Variants in CELF2 observed in about 807,000 individuals in gnomAD.
CELF2 encodes the protein CUGBP Elav-like family member 2.
A neutral mutation model predicts 62.6 loss-of-function variants in CELF2; 8 were observed. The ratio of observed to expected loss-of-function variants is 0.13; its 90% CI spans 0.07 to 0.23. The LOEUF (loss-of-function observed/expected upper bound fraction) is 0.23. Among genes scored for constraint, CELF2 ranks in the 10% least tolerant of loss-of-function variants. The pLI is 1.00. For synonymous variants in CELF2, 258 were observed against 250.0 expected, an observed-to-expected ratio of 1.03 and a Z score of -0.30; for missense variants, 333 against 671.0, an observed-to-expected ratio of 0.50 and a Z score of 5.56.
chr10:10,678,580 C>T, the CELF2 span, among the ~76,000 whole-genome samples: 4 of 152,148 alleles, frequency 2.6e-5, no homozygotes, highest in Admixed American at 1.3e-4. Context: ...CGACCCAAGG[C>T]CCCACAGTGT....
the CELF2 span, among the ~76,000 whole-genome samples, chr10:10,759,294 T>A: frequency 9.2e-6 from 1 of 109,246 alleles, no homozygotes; most frequent in Non-Finnish European, 1.9e-5. Context: ...GTGCCCATTT[T>A]TCTTTTTTTT....
chr10:10,912,190 A>T (rs2063870976), intron 1 of CELF2, among the ~76,000 whole-genome samples: 1 of 152,198 alleles, frequency 6.6e-6, no homozygotes. Context: ...ACATATTCAC[A>T]GAGTCACCGC....
At chr10:11,313,709 G>A (rs7087063) in intron 9 of CELF2, among the ~76,000 whole-genome samples, 61,446 of 151,478 alleles carry the variant, frequency 0.41, 12,735 homozygotes, top group Admixed American at 0.45. Flanking sequence ...CACTGTATGA[G>A]GTTAGCAAAA....
chr10:11,094,420 C>A (rs758518143), intron 1 of CELF2, among the ~76,000 whole-genome samples: 1 of 152,088 alleles, frequency 6.6e-6, no homozygotes, highest in African/African-American at 2.4e-5. Flanking sequence ...TTTGAAACTA[C>A]CTTGTCTGTC....
chr10:11,328,877 T>C lies in CELF2; in HGVS notation c.1439-49T>C, dbSNP rs1417472218. 3 of 1,577,412 alleles carry C rather than the reference T, an allele frequency of 1.9e-6. No homozygotes were observed. Among genetic ancestry groups the C allele is most frequent in the Non-Finnish European group, 2.6e-6 (3 of 1,158,174 alleles). On this transcript the variant is annotated intron_variant, in intron 12 of 12. Transcript: ENST00000633077. The surrounding 1 kb of genome is among the most constrained non-coding windows in gnomAD (Gnocchi z 6.4). ...AGAGCTCCAGCCCCCTTTTCTGTTTTCTGCTGGGCTTCCTCTCCAGGCTGA... is the reference window on the plus strand; with the variant it reads ...AGAGCTCCAGCCCCCTTTTCTGTTTCCTGCTGGGCTTCCTCTCCAGGCTGA...
At chr10:10,902,170 C>G (rs552523569) in intron 1 of CELF2, among the ~76,000 whole-genome samples, 1 of 152,314 alleles carries the variant, frequency 6.6e-6, no homozygotes, top group Non-Finnish European at 1.5e-5. Context: ...CTTTAGAAAA[C>G]AGTTTGGCCG....
At position 10,923,530 on chromosome 10, in the gene CELF2, G is replaced by A. The variant is rs113823093; in HGVS notation, c.89+3531G>A. ...GTTAAAAATGCTTTGAAGTCGAAAT[G>A]AGATATGTGCCCAAGGTGCTTGAAC... On this transcript the variant is annotated intron_variant, in intron 2 of 13. Transcript: ENST00000636488. Among the ~76,000 whole-genome samples, 496 of 152,318 alleles carry A rather than the reference G, an allele frequency of 3.3e-3. 4 individuals are homozygous for A. Among genetic ancestry groups the A allele is most frequent in the African/African-American group, 0.012 (481 of 41,578 alleles).
intron 1 of CELF2, among the ~76,000 whole-genome samples, chr10:10,864,410 A>G (rs1221103928): frequency 6.6e-6 from 1 of 152,208 alleles, no homozygotes; most frequent in Non-Finnish European, 1.5e-5. Context: ...GGCACAGACT[A>G]TGTACTAATC....
the CELF2 span, among the ~76,000 whole-genome samples, chr10:10,625,846 C>T: frequency 1.4e-4 from 21 of 152,178 alleles, no homozygotes; most frequent in African/African-American, 4.8e-4. Context: ...TGCACCAGCA[C>T]GATTGCTTCA....
At chr10:11,133,539 G>A (rs1564878435) in intron 1 of CELF2, among the ~76,000 whole-genome samples, 1 of 152,134 alleles carries the variant, frequency 6.6e-6, no homozygotes, top group Non-Finnish European at 1.5e-5. Flanking sequence ...ATACAAGATA[G>A]GGAATGTGTT....
chr10:10,856,877 T>C (rs2059745681), intron 1 of CELF2, among the ~76,000 whole-genome samples: 1 of 152,106 alleles, frequency 6.6e-6, no homozygotes, highest in Admixed American at 6.6e-5. Context: ...ATGGAGAAAT[T>C]AGTACCAGAC....
chr10:10,991,075 A>G (rs939834694), intron 2 of CELF2, among the ~76,000 whole-genome samples: 1 of 152,082 alleles, frequency 6.6e-6, no homozygotes, highest in Non-Finnish European at 1.5e-5. Flanking sequence ...AGGCAGAGAA[A>G]GCCGAGTTTG....
intron 5 of CELF2, 103 bp downstream of exon 5, chr10:11,257,975 G>A: frequency 7.7e-7 from 1 of 1,295,344 alleles, no homozygotes; most frequent in Non-Finnish European, 1.1e-6. Flanking sequence ...AGGTCACCCT[G>A]TAATACATCC....
chr10:11,090,869 C>A (rs1291798805), intron 1 of CELF2, among the ~76,000 whole-genome samples: 1 of 152,160 alleles, frequency 6.6e-6, no homozygotes, highest in Non-Finnish European at 1.5e-5. Context: ...ATCATATGTG[C>A]ATATGTAAAC....
Position 11,213,276 on chromosome 10 carries a change from CAG to C in CELF2, c.272-4146_272-4145del, listed in dbSNP as rs565410822. Among the ~76,000 whole-genome samples, 946 of 152,354 alleles carry C rather than the reference CAG, an allele frequency of 6.2e-3. 7 individuals are homozygous for C. Among genetic ancestry groups the C allele is most frequent in the Middle Eastern group, 0.014 (4 of 294 alleles). On this transcript the variant is annotated intron_variant, in intron 2 of 12. Coordinates refer to ENST00000633077, the MANE Select transcript of CELF2 (RefSeq NM_001326342.2). ...CTACCCCTTACACCGATGTTGGAAA[CAG>C]AGCCTGCAGGGGAGGAGGCTTGCCC...
the CELF2 span, among the ~76,000 whole-genome samples, chr10:10,666,588 C>T: frequency 2.6e-5 from 2 of 75,922 alleles, no homozygotes; most frequent in Non-Finnish European, 5.1e-5. Context: ...AGAGGCCGGG[C>T]GCGGTGGCTC....
chr10:10,982,332 A>G (rs2052237028), intron 2 of CELF2, among the ~76,000 whole-genome samples: 1 of 152,178 alleles, frequency 6.6e-6, no homozygotes, highest in Non-Finnish European at 1.5e-5. Flanking sequence ...TGATAGGTAG[A>G]GGTGTAGAAG....
At chr10:10,949,653 T>C (rs2048087457) in intron 2 of CELF2, among the ~76,000 whole-genome samples, 1 of 150,434 alleles carries the variant, frequency 6.6e-6, no homozygotes, top group African/African-American at 2.4e-5. Flanking sequence ...AAAAAAAAAT[T>C]AGCCAGGCTT....
rs1282258067 is a variant in CELF2, at chr10:11,207,684, C to T, written c.272-9741C>T. 1.3e-5 allele frequency among the ~76,000 whole-genome samples: 2 copies of T among 152,222 alleles called. No individual in the cohort carries two copies. The highest frequency in any genetic ancestry group is 2.9e-5 in the Non-Finnish European group (2 of 68,034). On this transcript the variant is annotated intron_variant, in intron 2 of 12. Coordinates refer to ENST00000633077, the MANE Select transcript of CELF2 (RefSeq NM_001326342.2). This position sits in a 1 kb window ranked among gnomAD's most constrained non-coding sequence, Gnocchi z 4.1. ...CAAACCGTGGAGTCCACATAACTCA[C>T]ATACGGAAGGCCCGATGGCAGCATC...
Sources: allele counts gnomAD v4.1 joint callset (sites outside exome capture counted in the v4.1 genomes callset), GRCh38; gene constraint gnomAD v4.1.1; non-coding constraint Gnocchi (gnomAD v3.1); transcripts MANE v1.5; gene names NCBI Gene and HGNC (gene_info 2026-07-23, HGNC 2026-07-21).